The following ANO2 variants were observed in gnomAD, a reference collection of about 807,000 sequenced individuals.
ANO2 encodes the protein anoctamin 2.
ANO2 carries 101 observed loss-of-function variants against 124.2 expected under a neutral mutation model. The observed-to-expected ratio is 0.81, with a 90% confidence interval of 0.69 to 0.96. ANO2 has a LOEUF of 0.96. Ranked by LOEUF, ANO2 falls within the 40% of genes least tolerant of loss-of-function variation. ANO2 has a pLI of 0.00. For missense variants in ANO2, 1,293 were observed against 1,274.5 expected (o/e 1.01, Z -0.22); for synonymous variants, 486 against 482.5 (o/e 1.01, Z -0.09).
At position 5,812,497 on chromosome 12, in the gene ANO2, A is replaced by AG. The variant is rs1565688051; in HGVS notation, c.893-5130_893-5129insC. Reference sequence around the variant, plus strand: ...GGGAGGAAGGAAGGAAGGAAGGAAGAAAGGGAGGGAGGGAAGGAGGAAGGG... The same window carrying AG: ...GGGAGGAAGGAAGGAAGGAAGGAAGAGAAGGGAGGGAGGGAAGGAGGAAGGG... On this transcript the variant is annotated intron_variant, in intron 7 of 24. Transcript: ENST00000682330. 2.9e-5 allele frequency among the ~76,000 whole-genome samples: 2 copies of AG among 69,826 alleles called. 1 individual carries two copies. The highest frequency in any genetic ancestry group is 5.0e-5 in the Non-Finnish European group (2 of 40,174). The allele number at this position is 69,826 out of a possible 152,430, so 45.8% of individuals were successfully genotyped here.
At chr12:5,851,921 TGGAAATCATAACATGGGC>T in intron 4 of ANO2, 1 of 738,902 alleles carries the variant, frequency 1.4e-6, no homozygotes, top group Non-Finnish European at 2.5e-6. Flanking sequence ...CCCTGGGGGA[TGGAAATCATAACATGGGC>T]ATTAGAGTTT....
In ANO2 at chr12:5,635,310, A is replaced by G. The variant is rs944779396; in HGVS notation, c.1658T>C (p.Val553Ala). ...AGCGGCTGCAGTTGTTATTCGATACACTATCACCCCAAAGACGATTGAGAA... is the reference window on the plus strand; with the variant it reads ...AGCGGCTGCAGTTGTTATTCGATACGCTATCACCCCAAAGACGATTGAGAA... ...LTFSIVFGVIVYRITTAAALS... is the reference protein window; with the variant it reads ...LTFSIVFGVIAYRITTAAALS... Residue 553 changes from valine (V) to alanine (A), a missense_variant, in exon 16 of 25, where the codon GTG becomes GCG. Coordinates refer to ENST00000682330, the MANE Select transcript of ANO2 (RefSeq NM_001364791.2). This position sits in a 1 kb window ranked among gnomAD's most constrained non-coding sequence, Gnocchi z 5.2. 1.2e-6 allele frequency: 2 copies of G among 1,603,092 alleles called. No individual in the cohort carries two copies. Among genetic ancestry groups the G allele is most frequent in the Non-Finnish European group, 1.7e-6 (2 of 1,176,508 alleles).
In ANO2 at chr12:5,799,524, T is replaced by A. The variant is rs1327246028; in HGVS notation, c.1038A>T (p.Gln346His). The A allele has an allele frequency of 1.9e-6, 3 of 1,613,786 alleles. No homozygotes were observed. The highest frequency in any genetic ancestry group is 2.2e-5 in the East Asian group (1 of 44,902). Residue 346 changes from glutamine (Q) to histidine (H), a missense_variant, in exon 10 of 25, where the codon CAA becomes CAT. Physicochemically the swap from Gln to His is conservative, Grantham distance 24 (BLOSUM62 0). Coordinates refer to ENST00000682330, the MANE Select transcript of ANO2 (RefSeq NM_001364791.2). The stretch of plus-strand genomic sequence containing the variant: ...CCTCTTACCTGATGAGGTCAATAGG[T>A]TGGAACTTATAGAACACTCCATAGC... ...WARYGVFYKF[Q>H]PIDLIRKYFG...
intron 20 of ANO2, among the ~76,000 whole-genome samples, chr12:5,583,644 C>A (rs2136853327): frequency 1.2e-5 from 1 of 84,428 alleles, no homozygotes; most frequent in Non-Finnish European, 2.0e-5. Context: ...AAGAGCGGGA[C>A]TCCGTCTCAA....
At chr12:5,696,576 A>G (rs1347814573) in intron 14 of ANO2, among the ~76,000 whole-genome samples, 1 of 152,174 alleles carries the variant, frequency 6.6e-6, no homozygotes, top group African/African-American at 2.4e-5. Flanking sequence ...CCTTTCTATA[A>G]TGTATTCCAG....
Position 5,862,453 on chromosome 12 carries a change from G to A in ANO2, c.535-8312C>T, listed in dbSNP as rs1013530328. On this transcript the variant is annotated intron_variant, in intron 3 of 24. Transcript: ENST00000682330. The surrounding 1 kb of genome is among the most constrained non-coding windows in gnomAD (Gnocchi z 4.0). ...GCCAACCTGGACAGACACGCAGAAC[G>A]GGTGATCTCTGGACCTATCACCACA... Among the ~76,000 whole-genome samples the A allele has an allele frequency of 6.6e-6, 1 of 152,178 alleles. No homozygotes were observed. The highest frequency in any genetic ancestry group is 1.5e-5 in the Non-Finnish European group (1 of 68,022).
At chr12:5,722,288 C>T (rs1356244577) in intron 14 of ANO2, among the ~76,000 whole-genome samples, 4 of 152,124 alleles carry the variant, frequency 2.6e-5, no homozygotes, top group Admixed American at 6.5e-5. Flanking sequence ...GGGTGGATCA[C>T]GAGGTCAGGA....
At chr12:5,869,113 C>G (rs1449055129) in intron 3 of ANO2, among the ~76,000 whole-genome samples, 1 of 152,050 alleles carries the variant, frequency 6.6e-6, no homozygotes. Flanking sequence ...AAGTAGGGGT[C>G]GAGAAGCCTG....
chr12:5,797,550 C>T (rs1952901259), intron 10 of ANO2, among the ~76,000 whole-genome samples: 1 of 152,192 alleles, frequency 6.6e-6, no homozygotes, highest in African/African-American at 2.4e-5. Context: ...TCTCCAGGTA[C>T]TCGCCCACTT....
intron 10 of ANO2, among the ~76,000 whole-genome samples, chr12:5,765,824 G>T (rs894275713): frequency 1.6e-4 from 24 of 152,150 alleles, no homozygotes; most frequent in Non-Finnish European, 4.4e-5. Flanking sequence ...TCCAATAAGG[G>T]ATTTGTACCC....
At chr12:5,758,025 T>G (rs988913843) in intron 10 of ANO2, among the ~76,000 whole-genome samples, 2 of 152,122 alleles carry the variant, frequency 1.3e-5, no homozygotes, top group Non-Finnish European at 2.9e-5. Flanking sequence ...TCCCCTTAAG[T>G]TGCACACAGG....
At chr12:5,945,081 A>T in intron 1 of ANO2, 115 bp downstream of exon 1, 1 of 998,012 alleles carries the variant, frequency 1.0e-6, no homozygotes, top group South Asian at 1.5e-5. Context: ...CACCCTGCCC[A>T]GGCTCCCTTG....
chr12:5,667,552 T>A (rs552138508), intron 14 of ANO2, among the ~76,000 whole-genome samples: 8 of 152,246 alleles, frequency 5.3e-5, no homozygotes, highest in African/African-American at 1.9e-4. Flanking sequence ...AATGTTTATT[T>A]TTATTTCAAG....
intron 3 of ANO2, among the ~76,000 whole-genome samples, chr12:5,861,282 C>T (rs1444628663): frequency 6.6e-6 from 1 of 152,120 alleles, no homozygotes; most frequent in Non-Finnish European, 1.5e-5. Context: ...ATCCTGCAGC[C>T]CCTCCCTTCA....
At chr12:5,629,152 C>T (rs3782603) in intron 16 of ANO2, among the ~76,000 whole-genome samples, 26,578 of 152,112 alleles carry the variant, frequency 0.17, 2,664 homozygotes, top group Non-Finnish European at 0.23. Context: ...AGAGGTTGGA[C>T]GGCGAGGGAG....
Position 5,849,317 on chromosome 12 carries a change from C to T in ANO2, c.633+4726G>A, listed in dbSNP as rs537609905. Among the ~76,000 whole-genome samples, 14 of 152,308 alleles carry T rather than the reference C, an allele frequency of 9.2e-5. No individual in the cohort carries two copies. The East Asian group carries it at 2.5e-3, about 27-fold the overall frequency. On this transcript the variant is annotated intron_variant, in intron 4 of 24. Transcript: ENST00000682330. ...ATAGCCTGCATCGACCTTGTCTCTG[C>T]TAGAGGCTTGAGGAATAAGAGAATG...
intron 22 of ANO2, among the ~76,000 whole-genome samples, chr12:5,576,447 C>G (rs998514367): frequency 6.6e-6 from 1 of 152,182 alleles, no homozygotes; most frequent in African/African-American, 2.4e-5. Context: ...CTGAGTAGTA[C>G]CAGAAAGCCA....
chr12:5,592,670 G>A (rs1405248877), intron 20 of ANO2, among the ~76,000 whole-genome samples: 2 of 152,108 alleles, frequency 1.3e-5, no homozygotes, highest in Non-Finnish European at 2.9e-5. Flanking sequence ...AAGGTAGAAG[G>A]AGTGAAAAAG....
At chr12:5,855,301 C>G (rs12823027) in intron 3 of ANO2, among the ~76,000 whole-genome samples, 1 of 152,202 alleles carries the variant, frequency 6.6e-6, no homozygotes, top group Non-Finnish European at 1.5e-5. Flanking sequence ...TACGTCCCCC[C>G]ACTGAAGAAC....
Sources: gnomAD v4.1 joint callset for allele counts (sites outside exome capture counted in the v4.1 genomes callset) on GRCh38, gnomAD v4.1.1 for gene constraint, Gnocchi (gnomAD v3.1) non-coding constraint, MANE v1.5 for transcripts, NCBI Gene and HGNC (gene_info 2026-07-23, HGNC 2026-07-21) for gene names.